The following PARD3 variants were observed in gnomAD, a reference collection of about 807,000 sequenced individuals.
The protein encoded by PARD3 is partitioning defective 3 homolog.
Under a neutral mutation model 155.4 loss-of-function variants are expected in PARD3, and 75 were observed. That is an observed-to-expected ratio of 0.48 (90% confidence interval 0.40 to 0.58). The LOEUF is 0.58. PARD3 is among the 20% of genes least tolerant of loss of function. The pLI, the probability that PARD3 is intolerant of heterozygous loss-of-function variation, is 0.00. For missense variants in PARD3, 1,642 were observed against 1,721.7 expected (o/e 0.95, Z 0.82); for synonymous variants, 576 against 610.5 (o/e 0.94, Z 0.83).
At chr10:34,644,821 A>G (rs2132985592) in intron 2 of PARD3, among the ~76,000 whole-genome samples, 1 of 152,262 alleles carries the variant, frequency 6.6e-6, no homozygotes, top group African/African-American at 2.4e-5. Flanking sequence ...AGTTGTAAGG[A>G]ATCTAATTGC....
chr10:34,633,715 A>G (rs1264183331), intron 2 of PARD3, among the ~76,000 whole-genome samples: 1 of 152,214 alleles, frequency 6.6e-6, no homozygotes, highest in Non-Finnish European at 1.5e-5. Context: ...GCTGGACCAT[A>G]TGGTAAGTTC....
chr10:34,191,413 C>T (rs962815260), intron 22 of PARD3, among the ~76,000 whole-genome samples: 1 of 152,084 alleles, frequency 6.6e-6, no homozygotes, highest in Non-Finnish European at 1.5e-5. Flanking sequence ...TGAGAGGCAG[C>T]CACTGAAAGT....
At chr10:34,143,267 T>A (rs2132882542) in intron 22 of PARD3, among the ~76,000 whole-genome samples, 1 of 152,086 alleles carries the variant, frequency 6.6e-6, no homozygotes, top group East Asian at 1.9e-4. Context: ...CCTGAGATCG[T>A]GCCACCGCAC....
At chr10:34,650,769 T>G (rs531991440) in intron 2 of PARD3, among the ~76,000 whole-genome samples, 4 of 152,092 alleles carry the variant, frequency 2.6e-5, no homozygotes, top group Non-Finnish European at 5.9e-5. Context: ...CCCAGCACTT[T>G]GGGAGGCCGA....
At chr10:34,472,858 G>C (rs543821369) in intron 3 of PARD3, among the ~76,000 whole-genome samples, 1 of 152,292 alleles carries the variant, frequency 6.6e-6, no homozygotes, top group East Asian at 1.9e-4. Flanking sequence ...TTCCTCAGGA[G>C]AATACATTGC....
chr10:34,387,967 C>G (rs1842514809), intron 7 of PARD3, among the ~76,000 whole-genome samples: 1 of 152,018 alleles, frequency 6.6e-6, no homozygotes, highest in Non-Finnish European at 1.5e-5. Context: ...ATACACCACA[C>G]ACGTATAGAA....
chr10:34,755,022 T>C (rs1836528642), intron 1 of PARD3, among the ~76,000 whole-genome samples: 1 of 152,154 alleles, frequency 6.6e-6, no homozygotes, highest in Non-Finnish European at 1.5e-5. Flanking sequence ...AGATTGTCAC[T>C]TTTCCAAGGT....
intron 22 of PARD3, among the ~76,000 whole-genome samples, chr10:34,235,005 G>A (rs1953141158): frequency 6.6e-6 from 1 of 152,154 alleles, no homozygotes; most frequent in African/African-American, 2.4e-5. Flanking sequence ...ACCAAGTTTT[G>A]TGCTATTTGT....
intron 21 of PARD3, among the ~76,000 whole-genome samples, chr10:34,283,754 A>T (rs1956260579): frequency 6.6e-6 from 1 of 152,076 alleles, no homozygotes; most frequent in Admixed American, 6.6e-5. Flanking sequence ...TATTTTCAGA[A>T]GAGTATTTCT....
intron 20 of PARD3, among the ~76,000 whole-genome samples, chr10:34,302,142 C>T (rs1162843155): frequency 6.6e-6 from 1 of 152,142 alleles, no homozygotes; most frequent in African/African-American, 2.4e-5. Flanking sequence ...TCCAATGCCT[C>T]CAGGTTCCTC....
intron 22 of PARD3, among the ~76,000 whole-genome samples, chr10:34,136,390 T>C (rs1048829930): frequency 1.3e-5 from 2 of 152,152 alleles, no homozygotes; most frequent in African/African-American, 4.8e-5. Context: ...TCTTCATGGA[T>C]TAAAAATGCT....
intron 9 of PARD3, among the ~76,000 whole-genome samples, chr10:34,379,226 A>G (rs778565849): frequency 6.6e-6 from 1 of 152,172 alleles, no homozygotes; most frequent in Non-Finnish European, 1.5e-5. Context: ...ATAAAATATA[A>G]GTGAACAAAA....
At chr10:34,727,634 G>A (rs1437899322) in intron 1 of PARD3, among the ~76,000 whole-genome samples, 4 of 151,912 alleles carry the variant, frequency 2.6e-5, no homozygotes, top group African/African-American at 9.7e-5. Flanking sequence ...TGATTTATAG[G>A]CACTTTGAAG....
At chr10:34,681,762 ATATATATTTTTTTT>A (rs1452575219) in intron 2 of PARD3, among the ~76,000 whole-genome samples, 16 of 22,372 alleles carry the variant, frequency 7.2e-4, no homozygotes, top group African/African-American at 1.0e-3. Context: ...ATATATATAT[ATATATATTTTTTTT>A]TTTTTTTTTT....
intron 1 of PARD3, among the ~76,000 whole-genome samples, chr10:34,810,804 T>C (rs755046696): frequency 2.0e-5 from 3 of 152,150 alleles, no homozygotes; most frequent in Non-Finnish European, 4.4e-5. Context: ...AGTTTCCCTC[T>C]CATCATCCTG....
At chr10:34,174,537 C>G (rs187562292) in intron 22 of PARD3, among the ~76,000 whole-genome samples, 1 of 152,032 alleles carries the variant, frequency 6.6e-6, no homozygotes, top group African/African-American at 2.4e-5. Context: ...GTCCTGAAAC[C>G]CTGGTGCTTA....
At chr10:34,454,928 C>A (rs1340336867) in intron 4 of PARD3, among the ~76,000 whole-genome samples, 2 of 152,136 alleles carry the variant, frequency 1.3e-5, no homozygotes, top group Admixed American at 1.3e-4. Flanking sequence ...CTTCTCCCAC[C>A]TTAGCCCTCC....
chr10:34,472,677 T>C (rs1045150225), intron 3 of PARD3, among the ~76,000 whole-genome samples: 4 of 152,206 alleles, frequency 2.6e-5, no homozygotes, highest in Admixed American at 2.6e-4. Context: ...GAGGCACTAT[T>C]AACTCAGAAG....
chr10:34,515,655 C>T (rs887793246), intron 3 of PARD3, among the ~76,000 whole-genome samples: 1 of 152,160 alleles, frequency 6.6e-6, no homozygotes, highest in African/African-American at 2.4e-5. Flanking sequence ...TCTTTATATA[C>T]ACCTTCAAGG....
Sources: allele counts gnomAD v4.1 joint callset (sites outside exome capture counted in the v4.1 genomes callset), GRCh38; gene constraint gnomAD v4.1.1; transcripts MANE v1.5; gene names NCBI Gene and HGNC (gene_info 2026-07-23, HGNC 2026-07-21).